The following FBXO24 variants were observed in gnomAD, a reference collection of about 807,000 sequenced individuals.
FBXO24 encodes F-box only protein 24.
Under a neutral mutation model 63.5 loss-of-function variants are expected in FBXO24, and 30 were observed. The observed-to-expected ratio is 0.47, with a 90% CI of 0.35 to 0.64. FBXO24 has a LOEUF of 0.64. Ranked by LOEUF, FBXO24 falls within the 30% of genes least tolerant of loss-of-function variation. The pLI, the probability that FBXO24 is intolerant of heterozygous loss-of-function variation, is 0.00. For synonymous variants in FBXO24, 300 were observed against 305.0 expected (o/e 0.98, Z 0.17); for missense variants, 624 against 763.4 (o/e 0.82, Z 2.15).
At chr7:100,590,730 T>G (rs1801975306) in intron 3 of FBXO24, among the ~76,000 whole-genome samples, 2 of 152,134 alleles carry the variant, frequency 1.3e-5, no homozygotes, top group Admixed American at 1.3e-4. Flanking sequence ...CTCTGCATGG[T>G]GGGATGTTTA....
rs1274303385 is a variant in FBXO24 at position 100,592,875 on chromosome 7, C to T, written c.651C>T (p.Ser217=). ...CGCAGGAAGTGGTGGGTACCACCAG[C>T]AGCCGGGCCTGTGACTGTGTTGAGG... ...REPQEVVGTT[S]SRACDCVEVY... The change falls in exon 5 of 10, where the codon AGC becomes AGT. Residue 217 remains serine, a synonymous_variant. Coordinates refer to ENST00000241071, the MANE Select transcript of FBXO24 (RefSeq NM_033506.3). 3 of 1,614,182 alleles carry T rather than the reference C, an allele frequency of 1.9e-6. No homozygotes were observed. Among genetic ancestry groups the T allele is most frequent in the Non-Finnish European group, 2.5e-6 (3 of 1,180,026 alleles).
intron 1 of FBXO24, 169 bp downstream of exon 1, chr7:100,586,833 G>C: frequency 2.7e-6 from 2 of 737,054 alleles, no homozygotes; most frequent in South Asian, 2.9e-5. Flanking sequence ...GTGCACTGGC[G>C]GTTGTCGCAG....
At chr7:100,589,358 A>G in intron 1 of FBXO24, 2 of 1,112,732 alleles carry the variant, frequency 1.8e-6, no homozygotes, top group Non-Finnish European at 1.1e-6. Flanking sequence ...AAGGGCCTCA[A>G]ATAGGAAAAC....
In FBXO24 at chr7:100,594,781, T is replaced by C. The variant is rs1802223493; in HGVS notation, c.952+240T>C. ...GCCTGGCCAACATGGCGAAACCCCA[T>C]CTCTACTAAAATACAAAAATTAGCT... is the stretch of plus-strand genomic sequence containing the variant. On this transcript the variant is annotated intron_variant, in intron 6 of 9. Coordinates refer to ENST00000241071, the MANE Select transcript of FBXO24 (RefSeq NM_033506.3). This position sits in a 1 kb window ranked among gnomAD's most constrained non-coding sequence, Gnocchi z 4.2. Among the ~76,000 whole-genome samples, 1 of 151,994 alleles carries C rather than the reference T, an allele frequency of 6.6e-6. No individual in the cohort carries two copies. Among genetic ancestry groups the C allele is most frequent in the South Asian group, 2.1e-4 (1 of 4,816 alleles).
At chr7:100,590,987 T>G (rs1801987051) in intron 3 of FBXO24, among the ~76,000 whole-genome samples, 1 of 152,054 alleles carries the variant, frequency 6.6e-6, no homozygotes, top group Non-Finnish European at 1.5e-5. Context: ...ATCATTCCTT[T>G]TCACTCCTGT....
chr7:100,592,543 G>C (rs1475485019), intron 4 of FBXO24, among the ~76,000 whole-genome samples: 1 of 152,188 alleles, frequency 6.6e-6, no homozygotes, highest in South Asian at 2.1e-4. Flanking sequence ...TTCGAGATGA[G>C]ATTTGGGTGG....
chr7:100,586,500 C>G lies in FBXO24; in HGVS notation c.-126C>G. The G allele has an allele frequency of 1.0e-6, 1 of 1,002,986 alleles. No homozygotes were observed. Among genetic ancestry groups the G allele is most frequent in the Non-Finnish European group, 1.5e-6 (1 of 645,638 alleles). 62.1% of individuals were successfully genotyped at this position (1,002,986 alleles called of 1,614,324 possible). On this transcript the variant is annotated 5_prime_UTR_variant, in exon 1 of 10. Transcript: ENST00000241071. The stretch of plus-strand genomic sequence containing the variant: ...GGACCGCAAGCAGGGGGTGCCTAGT[C>G]CTCGTCCCCCAAAGACCAATCGTAA...
At chr7:100,599,814 G>C in intron 8 of FBXO24, 1 of 567,416 alleles carries the variant, frequency 1.8e-6, no homozygotes, top group African/African-American at 1.9e-5. Flanking sequence ...TGGGGGCATA[G>C]ATGAGATACC....
At position 100,600,541 on chromosome 7, in the gene FBXO24, T is replaced by C. The variant is rs368113090; in HGVS notation, c.1385T>C (p.Leu462Pro). Residue 462 changes from leucine to proline, a missense_variant, in exon 10 of 10, where the codon CTG becomes CCG. Coordinates refer to ENST00000241071, the MANE Select transcript of FBXO24 (RefSeq NM_033506.3). This position sits in a 1 kb window ranked among gnomAD's most constrained non-coding sequence, Gnocchi z 6.3. The part of the protein sequence containing the change: ...SFVKLQVKVP[L>P]CACALCATRE... ...TTTCTCTCCTCCTCCAAGGTCCCTC[T>C]GTGTGCCTGTGCCCTCTGTGCCACC... The C allele has an allele frequency of 5.6e-4, 879 of 1,556,308 alleles. 15 individuals carry two copies. The South Asian group carries it at 0.01, about 18-fold the overall frequency.
chr7:100,589,811 C>T, intron 1 of FBXO24, 166 bp from the exon 2 acceptor site: 4 of 1,515,096 alleles, frequency 2.6e-6, no homozygotes, highest in Non-Finnish European at 2.7e-6. Context: ...GGATTGGCCG[C>T]AGGAGATCGG....
Position 100,592,963 on chromosome 7 carries a change from A to G in FBXO24, c.739A>G (p.Lys247Glu). The G allele has an allele frequency of 1.2e-6, 2 of 1,614,154 alleles. No homozygotes were observed. The highest frequency in any genetic ancestry group is 2.2e-5 in the South Asian group (2 of 91,078). Residue 247 changes from lysine to glutamate, a missense_variant, in exon 5 of 10, where the codon AAG (lysine) becomes GAG (glutamate). By Grantham distance (56) the Lys-to-Glu change is moderately conservative (BLOSUM62 1). Around this residue, in one of 3 missense-constraint regions of FBXO24, gnomAD observed 391 missense variants for 469.1 expected, o/e 0.83. Transcript: ENST00000241071. ...GACATTCCACCACTCAATGACCTTC[A>G]AGCAGATCGTGCTGGTTGGTCAGGA... The part of the protein sequence containing the change: ...KMTFHHSMTF[K>E]QIVLVGQETQ...
Position 100,595,144 on chromosome 7 carries a change from A to C in FBXO24, c.995A>C (p.Tyr332Ser). The C allele has an allele frequency of 6.2e-7, 1 of 1,614,038 alleles. No homozygotes were observed. The highest frequency in any genetic ancestry group is 8.5e-7 in the Non-Finnish European group (1 of 1,179,982). ...TTTGAGGTGCATACCCCAGGGGTGT[A>C]TCGCGATCTCTTTGGGACCCTTCAA... is the stretch of plus-strand genomic sequence containing the variant. ...VYFEVHTPGV[Y>S]RDLFGTLQAF... The change falls in exon 7 of 10, where the codon TAT becomes TCT. Residue 332 changes from tyrosine (Y) to serine (S), a missense_variant. Coordinates refer to ENST00000241071, the MANE Select transcript of FBXO24 (RefSeq NM_033506.3).
chr7:100,594,304 T>G lies in FBXO24; in HGVS notation c.794-79T>G. On this transcript the variant is annotated intron_variant, in intron 5 of 9. Coordinates refer to ENST00000241071, the MANE Select transcript of FBXO24 (RefSeq NM_033506.3). This position sits in a 1 kb window ranked among gnomAD's most constrained non-coding sequence, Gnocchi z 4.2. Reference sequence around the variant, plus strand: ...TAGGGCAGTAAATGTGTCACCCATATGGCCTAGGGAGTCTCTTGGGATGTT... The same window carrying G: ...TAGGGCAGTAAATGTGTCACCCATAGGGCCTAGGGAGTCTCTTGGGATGTT... 3 of 1,515,148 alleles carry G rather than the reference T, an allele frequency of 2.0e-6. No individual in the cohort carries two copies. The highest frequency in any genetic ancestry group is 2.7e-6 in the Non-Finnish European group (3 of 1,117,160). The allele number at this position is 1,515,148 out of a possible 1,614,324, so 93.9% of individuals were successfully genotyped here.
In FBXO24 at chr7:100,594,628, T is replaced by C. The variant is rs1584428320; in HGVS notation, c.952+87T>C. On this transcript the variant is annotated intron_variant, in intron 6 of 9. Coordinates refer to ENST00000241071, the MANE Select transcript of FBXO24 (RefSeq NM_033506.3). The surrounding 1 kb of genome is among the most constrained non-coding windows in gnomAD (Gnocchi z 4.2). ...ACCCTTCACCCTTACTCCAGCTGCA[T>C]GGTGAACCCCTGAGGGCATCCTAGT... is the stretch of plus-strand genomic sequence containing the variant. 5 of 1,362,222 alleles carry C rather than the reference T, an allele frequency of 3.7e-6. No homozygotes were observed. The East Asian group carries it at 1.1e-4, about 29-fold the overall frequency. 84.4% of individuals were successfully genotyped at this position (1,362,222 alleles called of 1,614,324 possible). A position where few individuals can be genotyped will look rare whatever the true frequency, so the allele number is the denominator to read the frequency against.
chr7:100,595,162 C>T lies in FBXO24; in HGVS notation c.1013C>T (p.Thr338Ile), dbSNP rs747323400. The change falls in exon 7 of 10, where the codon ACC becomes ATC. Residue 338 changes from threonine to isoleucine, a missense_variant. Physicochemically the swap from Thr to Ile is moderately conservative, Grantham distance 89. Transcript: ENST00000241071. The part of the protein sequence containing the change: ...TPGVYRDLFG[T>I]LQAFDPLDQQ... ...GGGGTGTATCGCGATCTCTTTGGGA[C>T]CCTTCAAGCCTTTGACCCCCTGGAC... The T allele has an allele frequency of 6.2e-7, 1 of 1,614,104 alleles. No homozygotes were observed. The highest frequency in any genetic ancestry group is 8.5e-7 in the Non-Finnish European group (1 of 1,180,000).
In FBXO24 at chr7:100,590,066, C is replaced by T; in HGVS notation, c.129C>T (p.Pro43=). The change falls in exon 2 of 10, where the codon CCC becomes CCT. Residue 43 remains proline (P), a synonymous_variant. Transcript: ENST00000241071. ...KGNPISIQLF[P]PELVEHIISF... ...ATCCGATTTCCATCCAGTTGTTCCCCCCAGAGCTGGTGAGTCCTTGGGGAG... is the reference window on the plus strand; with the variant it reads ...ATCCGATTTCCATCCAGTTGTTCCCTCCAGAGCTGGTGAGTCCTTGGGGAG... 6.2e-7 allele frequency: 1 copy of T among 1,613,116 alleles called. No homozygotes were observed. The highest frequency in any genetic ancestry group is 1.3e-5 in the African/African-American group (1 of 74,932).
At position 100,600,184 on chromosome 7, in the gene FBXO24, G is replaced by A. The variant is rs762125972; in HGVS notation, c.1360G>A (p.Val454Ile). The A allele has an allele frequency of 1.8e-5, 28 of 1,569,342 alleles. No individual in the cohort carries two copies. Among genetic ancestry groups the A allele is most frequent in the South Asian group, 1.0e-4 (9 of 85,746 alleles). The change falls in exon 9 of 10, where the codon GTC becomes ATC. Residue 454 changes from valine to isoleucine, a missense_variant. Physicochemically the swap from Val to Ile is conservative, Grantham distance 29. Transcript: ENST00000241071. This position sits in a 1 kb window ranked among gnomAD's most constrained non-coding sequence, Gnocchi z 6.3. ...CTGGCCCAAGGGGAGTGCCTCCTTCGTCAAGCTCCAAGTCAAGGTCAGAGC... is the reference window on the plus strand; with the variant it reads ...CTGGCCCAAGGGGAGTGCCTCCTTCATCAAGCTCCAAGTCAAGGTCAGAGC... ...PGWPKGSASF[V>I]KLQVKVPLCA...
intron 8 of FBXO24, among the ~76,000 whole-genome samples, chr7:100,597,554 C>T (rs1298295742): frequency 2.0e-5 from 3 of 151,958 alleles, no homozygotes; most frequent in Non-Finnish European, 4.4e-5. Flanking sequence ...CCACCATGCC[C>T]GGCTAATTTT....
intron 5 of FBXO24, among the ~76,000 whole-genome samples, chr7:100,593,840 A>G (rs1802158248): frequency 6.6e-6 from 1 of 150,650 alleles, no homozygotes; most frequent in Non-Finnish European, 1.5e-5. Context: ...CCCAGCTTCC[A>G]TGCCAACCAC....
Sources: allele counts gnomAD v4.1 joint callset (sites outside exome capture counted in the v4.1 genomes callset), GRCh38; gene constraint gnomAD v4.1.1; regional missense constraint gnomAD v4.1.1; non-coding constraint Gnocchi (gnomAD v3.1); transcripts MANE v1.5; gene names NCBI Gene and HGNC (gene_info 2026-07-23, HGNC 2026-07-21).